Variants in KCND3 observed in about 807,000 individuals in gnomAD.
KCND3 encodes A-type voltage-gated potassium channel KCND3.
Under a neutral mutation model 51.1 loss-of-function variants are expected in KCND3, and 9 were observed. The ratio of observed to expected loss-of-function variants is 0.18; its 90% CI spans 0.11 to 0.31. The LOEUF (loss-of-function observed/expected upper bound fraction) is 0.31. Ranked by LOEUF, KCND3 falls within the 10% of genes least tolerant of loss-of-function variation. The probability of loss-of-function intolerance (pLI) is 1.00; values close to 1 mark genes in which losing one functional copy is unlikely to be tolerated. For missense variants in KCND3, 526 were observed against 903.8 expected (o/e 0.58, Z 5.36); for synonymous variants, 349 against 368.0 (o/e 0.95, Z 0.59).
At chr1:111,975,170 A>G (rs1005355758) in intron 2 of KCND3, among the ~76,000 whole-genome samples, 4 of 152,160 alleles carry the variant, frequency 2.6e-5, no homozygotes, top group African/African-American at 9.7e-5. Context: ...GGAAAGTTCC[A>G]CCCAGATACA....
At chr1:111,895,118 G>T (rs1289555550) in intron 2 of KCND3, among the ~76,000 whole-genome samples, 1 of 147,162 alleles carries the variant, frequency 6.8e-6, no homozygotes, top group Non-Finnish European at 1.5e-5. Context: ...GAAGGAAGAG[G>T]AAGGGGAGGA....
chr1:111,931,471 G>A (rs1036089981), intron 2 of KCND3, among the ~76,000 whole-genome samples: 1 of 152,162 alleles, frequency 6.6e-6, no homozygotes, highest in Non-Finnish European at 1.5e-5. Context: ...AGGTCCCACA[G>A]AAAGGAGAGC....
intron 2 of KCND3, among the ~76,000 whole-genome samples, chr1:111,827,239 C>T (rs1169827746): frequency 2.0e-5 from 3 of 152,188 alleles, no homozygotes; most frequent in Non-Finnish European, 2.9e-5. Flanking sequence ...GATGTGTACG[C>T]AGATGACGGT....
intron 2 of KCND3, among the ~76,000 whole-genome samples, chr1:111,865,737 C>T (rs1668529024): frequency 6.6e-6 from 1 of 152,162 alleles, no homozygotes; most frequent in Admixed American, 6.5e-5. Flanking sequence ...CAAGGTCTTA[C>T]TCTGTTGTCC....
intron 1 of KCND3, chr1:111,988,696 T>C (rs1675438300): frequency 6.6e-6 from 1 of 152,170 alleles, no homozygotes; most frequent in Admixed American, 6.5e-5. Flanking sequence ...CAGATCGCAT[T>C]GTGCCTAGGA....
intron 2 of KCND3, among the ~76,000 whole-genome samples, chr1:111,848,638 C>T (rs1271281964): frequency 1.3e-5 from 2 of 152,240 alleles, no homozygotes; most frequent in Admixed American, 1.3e-4. Flanking sequence ...GGCTTGGTTA[C>T]AGGCGGCATG....
At chr1:111,904,701 G>A (rs1413964002) in intron 2 of KCND3, among the ~76,000 whole-genome samples, 2 of 152,202 alleles carry the variant, frequency 1.3e-5, no homozygotes, top group Non-Finnish European at 2.9e-5. Flanking sequence ...GGTGGCGACG[G>A]CAAGCTGCGT....
At chr1:111,808,059 G>A (rs933504143) in intron 2 of KCND3, among the ~76,000 whole-genome samples, 2 of 152,188 alleles carry the variant, frequency 1.3e-5, no homozygotes, top group Admixed American at 1.3e-4. Flanking sequence ...TTTATTAAAT[G>A]CTAAATAAAC....
intron 2 of KCND3, among the ~76,000 whole-genome samples, chr1:111,889,973 T>C (rs144958418): frequency 3.9e-5 from 6 of 152,008 alleles, no homozygotes; most frequent in African/African-American, 7.2e-5. Flanking sequence ...TCCTGGAACA[T>C]TGAGGGACAA....
intron 2 of KCND3, among the ~76,000 whole-genome samples, chr1:111,860,872 T>C (rs1230103561): frequency 6.6e-6 from 1 of 152,212 alleles, no homozygotes; most frequent in Non-Finnish European, 1.5e-5. Flanking sequence ...GCCCAAGTCT[T>C]AGCCAGCATC....
intron 2 of KCND3, among the ~76,000 whole-genome samples, chr1:111,965,438 C>CCACA (rs56156826): frequency 0.052 from 3,773 of 72,238 alleles, 254 homozygotes; most frequent in Non-Finnish European, 0.064. Flanking sequence ...GCCAGCAAAA[C>CCACA]CACACACACA....
At chr1:111,830,165 T>C (rs1267456729) in intron 2 of KCND3, among the ~76,000 whole-genome samples, 1 of 152,194 alleles carries the variant, frequency 6.6e-6, no homozygotes, top group African/African-American at 2.4e-5. Context: ...TTATTCCCAG[T>C]GCCCAGCACA....
In KCND3 at chr1:111,982,803, G is replaced by A; in HGVS notation, c.-72-5C>T. 6.5e-7 allele frequency: 1 copy of A among 1,534,382 alleles called. No individual in the cohort carries two copies. The highest frequency in any genetic ancestry group is 8.7e-7 in the Non-Finnish European group (1 of 1,144,080). ...TTGGAGTTAGTTCAGCAAACCCTGG[G>A]AGACAGGAGGGGAGAGAGAGAAGCG... On this transcript the variant is annotated splice_polypyrimidine_tract_variant and splice_region_variant and intron_variant, in intron 1 of 7. Coordinates refer to ENST00000302127, the MANE Select transcript of KCND3 (RefSeq NM_001378969.1). This position sits in a 1 kb window ranked among gnomAD's most constrained non-coding sequence, Gnocchi z 8.5.
intron 2 of KCND3, among the ~76,000 whole-genome samples, chr1:111,873,130 C>G (rs1668900059): frequency 6.6e-6 from 1 of 152,236 alleles, no homozygotes; most frequent in Non-Finnish European, 1.5e-5. Context: ...GAATGCTGAT[C>G]CAGTCCTGGC....
chr1:111,802,871 C>T (rs1200544790), intron 2 of KCND3, among the ~76,000 whole-genome samples: 2 of 152,172 alleles, frequency 1.3e-5, no homozygotes, highest in Admixed American at 6.5e-5. Flanking sequence ...GGGCTCCATG[C>T]TTCTGGGTTT....
In KCND3 at chr1:111,981,596, G is replaced by A; in HGVS notation, c.1106+25C>T. Reference sequence around the variant, plus strand: ...CAGCTGCCCTCCAACCTCCGTCCTGGTTTCATCCACCAGCGCTGACTTACC... The same window carrying A: ...CAGCTGCCCTCCAACCTCCGTCCTGATTTCATCCACCAGCGCTGACTTACC... On this transcript the variant is annotated intron_variant, in intron 2 of 7. Coordinates refer to ENST00000302127, the MANE Select transcript of KCND3 (RefSeq NM_001378969.1). This position sits in a 1 kb window ranked among gnomAD's most constrained non-coding sequence, Gnocchi z 6.2. 1 of 1,613,974 alleles carries A rather than the reference G, an allele frequency of 6.2e-7. No individual in the cohort carries two copies.
At chr1:111,878,145 G>A (rs1669135770) in intron 2 of KCND3, among the ~76,000 whole-genome samples, 1 of 152,226 alleles carries the variant, frequency 6.6e-6, no homozygotes, top group Admixed American at 6.5e-5. Context: ...TCTTGCCTCT[G>A]GGTTAGTGGA....
intron 2 of KCND3, among the ~76,000 whole-genome samples, chr1:111,847,114 G>A (rs182645149): frequency 4.8e-4 from 73 of 152,334 alleles, no homozygotes; most frequent in Admixed American, 2.0e-3. Context: ...ACCCCATGAC[G>A]AGGAGTGCTG....
intron 2 of KCND3, among the ~76,000 whole-genome samples, chr1:111,926,600 G>A (rs139401024): frequency 2.0e-5 from 3 of 152,350 alleles, no homozygotes; most frequent in East Asian, 3.9e-4. Flanking sequence ...TTGTTCTCAC[G>A]GTAGAACACT....
Sources: allele counts gnomAD v4.1 joint callset (sites outside exome capture counted in the v4.1 genomes callset), GRCh38; gene constraint gnomAD v4.1.1; non-coding constraint Gnocchi (gnomAD v3.1); transcripts MANE v1.5; gene names NCBI Gene and HGNC (gene_info 2026-07-23, HGNC 2026-07-21).